The following MGAT4A variants were observed in gnomAD, a reference collection of about 807,000 sequenced individuals.
MGAT4A encodes N-acetylglucosaminyltransferase IVa.
Under a neutral mutation model 74.1 loss-of-function variants are expected in MGAT4A, and 33 were observed. The ratio of observed to expected loss-of-function variants is 0.45; its 90% CI spans 0.34 to 0.60. MGAT4A has a LOEUF of 0.60. Among genes scored for constraint, MGAT4A ranks in the 20% least tolerant of loss-of-function variants. The probability of loss-of-function intolerance (pLI) is 0.02; values close to 1 mark genes in which losing one functional copy is unlikely to be tolerated. For synonymous variants in MGAT4A, 198 were observed against 210.4 expected, an observed-to-expected ratio of 0.94 and a Z score of 0.51; for missense variants, 479 against 628.3, an observed-to-expected ratio of 0.76 and a Z score of 2.54.
chr2:98,672,204 T>C (rs1374843761), intron 4 of MGAT4A, among the ~76,000 whole-genome samples: 4 of 152,202 alleles, frequency 2.6e-5, no homozygotes, highest in Non-Finnish European at 5.9e-5. Flanking sequence ...TTAAACTCCC[T>C]AATTAGGCCA....
chr2:98,731,000 G>A, intron 1 of MGAT4A, 48 bp downstream of exon 1: 1 of 111,292 alleles, frequency 9.0e-6, no homozygotes, highest in South Asian at 2.5e-4. Flanking sequence ...GCCGCCCCGC[G>A]CCCCCTCCCG....
chr2:98,714,876 G>C (rs563106339), intron 2 of MGAT4A, among the ~76,000 whole-genome samples: 106 of 152,112 alleles, frequency 7.0e-4, no homozygotes, highest in African/African-American at 2.4e-3. Context: ...ACAACAAAAG[G>C]CTCAGAAGCC....
rs531715546 is a variant in MGAT4A, at chr2:98,644,638, C to CT, written c.890-586dup. ...TCAATTCTTCAACTTTAAACATACTCTTTTTTTTTTTTTAGATTGAGTCTC... is the reference window on the plus strand; with the variant it reads ...TCAATTCTTCAACTTTAAACATACTCTTTTTTTTTTTTTTAGATTGAGTCTC... On this transcript the variant is annotated intron_variant, in intron 9 of 15. Coordinates refer to ENST00000393487, the MANE Select transcript of MGAT4A (RefSeq NM_012214.3). Among the ~76,000 whole-genome samples, 885 of 144,948 alleles carry CT rather than the reference C, an allele frequency of 6.1e-3. 4 individuals carry two copies. The highest frequency in any genetic ancestry group is 0.029 in the Middle Eastern group (8 of 280).
At chr2:98,704,405 T>G (rs1313950065) in intron 2 of MGAT4A, among the ~76,000 whole-genome samples, 1 of 152,102 alleles carries the variant, frequency 6.6e-6, no homozygotes, top group African/African-American at 2.4e-5. Context: ...AAATTAGCCA[T>G]TTAGCCTGGG....
intron 2 of MGAT4A, among the ~76,000 whole-genome samples, chr2:98,704,558 T>A (rs1050190669): frequency 1.3e-4 from 20 of 152,166 alleles, no homozygotes; most frequent in African/African-American, 4.6e-4. Context: ...CAGTGAGCAG[T>A]GATCATACCA....
intron 2 of MGAT4A, among the ~76,000 whole-genome samples, chr2:98,700,289 T>C (rs886491449): frequency 1.3e-5 from 2 of 149,480 alleles, no homozygotes; most frequent in Non-Finnish European, 3.0e-5. Context: ...CTTGATTTTT[T>C]CCTTTAGTTG....
chr2:98,627,557 T>C (rs1278127126), intron 14 of MGAT4A, among the ~76,000 whole-genome samples: 1 of 152,062 alleles, frequency 6.6e-6, no homozygotes, highest in Non-Finnish European at 1.5e-5. Context: ...TGTATCTTTA[T>C]TAGAGACGGG....
In MGAT4A at chr2:98,623,261, G is replaced by A. The variant is rs764837183; in HGVS notation, c.*2305C>T. 1.0e-6 allele frequency: 1 copy of A among 985,450 alleles called. No homozygotes were observed. The highest frequency in any genetic ancestry group is 1.2e-6 in the Non-Finnish European group (1 of 829,950). 61.0% of individuals were successfully genotyped at this position (985,450 alleles called of 1,614,324 possible). A position where few individuals can be genotyped will look rare whatever the true frequency, so the allele number is the denominator to read the frequency against. ...TGGACCAATGCTGGGAGGGCAAACT[G>A]CATGAAAACAGGAAAAAGCTAGCCA... On this transcript the variant is annotated 3_prime_UTR_variant, in exon 16 of 16. Coordinates refer to ENST00000393487, the MANE Select transcript of MGAT4A (RefSeq NM_012214.3).
intron 4 of MGAT4A, among the ~76,000 whole-genome samples, chr2:98,671,933 G>A (rs1304427668): frequency 9.1e-6 from 1 of 109,578 alleles, no homozygotes; most frequent in Non-Finnish European, 1.8e-5. Context: ...ACAAAGTAAT[G>A]TGGAAAAGGC....
chr2:98,657,402 C>A (rs1395889888), intron 6 of MGAT4A, among the ~76,000 whole-genome samples: 3 of 152,166 alleles, frequency 2.0e-5, no homozygotes, highest in African/African-American at 7.2e-5. Flanking sequence ...ATCATTACTG[C>A]CCTGTTCCTT....
At chr2:98,725,345 T>C (rs1458165079) in intron 2 of MGAT4A, among the ~76,000 whole-genome samples, 1 of 152,116 alleles carries the variant, frequency 6.6e-6, no homozygotes, top group Non-Finnish European at 1.5e-5. Context: ...TATATACATA[T>C]GCAATATGTA....
intron 2 of MGAT4A, among the ~76,000 whole-genome samples, chr2:98,699,868 G>A (rs1042121654): frequency 3.3e-5 from 5 of 152,122 alleles, no homozygotes; most frequent in African/African-American, 1.2e-4. Context: ...CCGAGTATGT[G>A]ACAAAATGCT....
chr2:98,699,724 A>G (rs1173747053), intron 2 of MGAT4A, among the ~76,000 whole-genome samples: 1 of 152,184 alleles, frequency 6.6e-6, no homozygotes, highest in Non-Finnish European at 1.5e-5. Context: ...CATTTGTGAT[A>G]TTAAGCAAAA....
At chr2:98,662,084 T>C (rs1701759592) in intron 5 of MGAT4A, among the ~76,000 whole-genome samples, 1 of 152,164 alleles carries the variant, frequency 6.6e-6, no homozygotes, top group Non-Finnish European at 1.5e-5. Context: ...CCATAGTGCA[T>C]GCTGGAACAG....
chr2:98,685,859 T>C (rs1402173462), intron 2 of MGAT4A, among the ~76,000 whole-genome samples: 1 of 152,144 alleles, frequency 6.6e-6, no homozygotes, highest in African/African-American at 2.4e-5. Context: ...GATGTGCCAG[T>C]CCCAGGTCCA....
At chr2:98,721,138 T>G (rs1437608852) in intron 2 of MGAT4A, among the ~76,000 whole-genome samples, 4 of 152,248 alleles carry the variant, frequency 2.6e-5, no homozygotes, top group African/African-American at 4.8e-5. Context: ...AATCACACAG[T>G]GTTCAAAACC....
At chr2:98,652,610 C>T (rs544407356) in intron 8 of MGAT4A, among the ~76,000 whole-genome samples, 59 of 150,448 alleles carry the variant, frequency 3.9e-4, no homozygotes, top group Non-Finnish European at 8.2e-4. Context: ...GGATTACAGG[C>T]GTGGGCCACC....
Position 98,640,216 on chromosome 2 carries a change from T to A in MGAT4A, c.1033A>T (p.Arg345Ter). ...NPEKDAKHCD[R>*]QKANLRIRFR... ...CGAATTCGCAGATTTGCTTTCTGTC[T>A]ATCACAATGTTTCTAAATATTAAAA... The change falls in exon 11 of 16, where the codon AGA (arginine) becomes TGA (stop). Residue 345 changes from arginine (R) to a stop codon, truncating the protein, a stop_gained. Transcript: ENST00000393487. LOFTEE classifies it high-confidence loss of function. The A allele has an allele frequency of 6.2e-7, 1 of 1,613,406 alleles. No individual in the cohort carries two copies. Among genetic ancestry groups the A allele is most frequent in the Non-Finnish European group, 8.5e-7 (1 of 1,179,404 alleles).
intron 8 of MGAT4A, among the ~76,000 whole-genome samples, chr2:98,649,401 C>T (rs1575249997): frequency 6.6e-6 from 1 of 152,152 alleles, no homozygotes; most frequent in African/African-American, 2.4e-5. Flanking sequence ...GGGCACAGAC[C>T]ACAGTGAGGA....
Sources: gnomAD v4.1 joint callset for allele counts (sites outside exome capture counted in the v4.1 genomes callset) on GRCh38, gnomAD v4.1.1 for gene constraint, MANE v1.5 for transcripts, NCBI Gene and HGNC (gene_info 2026-07-23, HGNC 2026-07-21) for gene names.